The following PDZRN4 variants were observed in gnomAD, a reference collection of about 807,000 sequenced individuals.
PDZRN4 encodes the protein PDZ domain-containing RING finger protein 4.
Under a neutral mutation model 99.0 loss-of-function variants are expected in PDZRN4, and 70 were observed. The ratio of observed to expected loss-of-function variants is 0.71; its 90% CI spans 0.58 to 0.86. The LOEUF is 0.86. PDZRN4 is among the 40% of genes least tolerant of loss of function. The pLI, the probability that PDZRN4 is intolerant of heterozygous loss-of-function variation, is 0.00. For missense variants in PDZRN4, 1,474 were observed against 1,331.2 expected (o/e 1.11, Z -1.67); for synonymous variants, 551 against 501.6 (o/e 1.10, Z -1.32).
chr12:41,227,823 T>C lies in PDZRN4; in HGVS notation c.843+33635T>C, dbSNP rs191630362. Among the ~76,000 whole-genome samples, 15 of 142,172 alleles carry C rather than the reference T, an allele frequency of 1.1e-4. No homozygotes were observed. In the East Asian group the frequency reaches 2.9e-3, roughly 27 times the overall value. 93.3% of individuals were successfully genotyped at this position (142,172 alleles called of 152,430 possible). On this transcript the variant is annotated intron_variant, in intron 3 of 9. Coordinates refer to ENST00000402685, the MANE Select transcript of PDZRN4 (RefSeq NM_001164595.2). ...GATAATGAAACAAAATGGCCAAAAG[T>C]AGAAATAGAAAGGAAAAGCAAAAGT...
intron 3 of PDZRN4, among the ~76,000 whole-genome samples, chr12:41,354,618 C>A (rs567188963): frequency 6.6e-6 from 1 of 152,192 alleles, no homozygotes; most frequent in African/African-American, 2.4e-5. Flanking sequence ...CTCTTGGCAG[C>A]TGAATTTCAC....
At chr12:41,564,387 T>C (rs1293213650) in intron 8 of PDZRN4, among the ~76,000 whole-genome samples, 1 of 152,178 alleles carries the variant, frequency 6.6e-6, no homozygotes, top group Admixed American at 6.6e-5. Context: ...TCCTTTTATA[T>C]CCTTTTTATC....
chr12:41,524,175 A>C (rs1171001896), intron 5 of PDZRN4, among the ~76,000 whole-genome samples: 1 of 152,188 alleles, frequency 6.6e-6, no homozygotes, highest in Non-Finnish European at 1.5e-5. Flanking sequence ...TGTACCCTGA[A>C]ATGCATAAAA....
At chr12:41,261,419 C>T (rs149426811) in intron 3 of PDZRN4, among the ~76,000 whole-genome samples, 147 of 152,310 alleles carry the variant, frequency 9.7e-4, no homozygotes, top group African/African-American at 3.5e-3. Flanking sequence ...AAGGCTTAAT[C>T]AAGATTTAGC....
intron 3 of PDZRN4, among the ~76,000 whole-genome samples, chr12:41,444,324 T>C (rs1361750984): frequency 6.6e-6 from 1 of 152,052 alleles, no homozygotes; most frequent in Non-Finnish European, 1.5e-5. Context: ...TATACAGGTC[T>C]GGCCATCTTC....
chr12:41,365,422 A>T (rs1458544099), intron 3 of PDZRN4, among the ~76,000 whole-genome samples: 1 of 152,058 alleles, frequency 6.6e-6, no homozygotes, highest in African/African-American at 2.4e-5. Context: ...AATAACCCAC[A>T]TGATTGCAAA....
At chr12:41,236,743 G>T (rs1167174200) in intron 3 of PDZRN4, among the ~76,000 whole-genome samples, 1 of 152,064 alleles carries the variant, frequency 6.6e-6, no homozygotes, top group African/African-American at 2.4e-5. Flanking sequence ...ATTAGACCTA[G>T]ATCTTAATTT....
At chr12:41,348,653 GCACTC>G (rs1951870625) in intron 3 of PDZRN4, among the ~76,000 whole-genome samples, 1 of 152,022 alleles carries the variant, frequency 6.6e-6, no homozygotes, top group Admixed American at 6.6e-5. Context: ...CATACAGAAA[GCACTC>G]TGCTGCATAC....
At position 41,371,100 on chromosome 12, in the gene PDZRN4, A is replaced by T. The variant is rs1370588883; in HGVS notation, c.844-135356A>T. On this transcript the variant is annotated intron_variant, in intron 3 of 9. Transcript: ENST00000402685. ...GGTGAGCTCTTATTTGATGATTTTT[A>T]TATATAATTCTAGAGTACTATTATA... Among the ~76,000 whole-genome samples, 6 of 149,736 alleles carry T rather than the reference A, an allele frequency of 4.0e-5. No individual in the cohort carries two copies. In the East Asian group the frequency reaches 9.7e-4, roughly 24 times the overall value.
chr12:41,281,790 C>T (rs1951387660), intron 3 of PDZRN4, among the ~76,000 whole-genome samples: 1 of 152,104 alleles, frequency 6.6e-6, no homozygotes, highest in South Asian at 2.1e-4. Context: ...CTGGAAAACA[C>T]AGTTCAGGAT....
At chr12:41,317,955 A>C (rs1951649983) in intron 3 of PDZRN4, among the ~76,000 whole-genome samples, 1 of 152,196 alleles carries the variant, frequency 6.6e-6, no homozygotes, top group Non-Finnish European at 1.5e-5. Flanking sequence ...AGTTGAAAAA[A>C]ACCACAGGCA....
intron 3 of PDZRN4, among the ~76,000 whole-genome samples, chr12:41,342,887 A>G (rs757979978): frequency 8.6e-5 from 13 of 151,972 alleles, no homozygotes; most frequent in Non-Finnish European, 1.8e-4. Context: ...AAATTTGTAC[A>G]TAGAAGAGAC....
chr12:41,243,562 G>C (rs1951113814), intron 3 of PDZRN4, among the ~76,000 whole-genome samples: 2 of 152,066 alleles, frequency 1.3e-5, no homozygotes, highest in Admixed American at 1.3e-4. Context: ...CAGTTAGTCT[G>C]TATTTAAAGC....
At chr12:41,214,252 TAAAAAAAA>T (rs60618442) in intron 3 of PDZRN4, among the ~76,000 whole-genome samples, 37 of 84,780 alleles carry the variant, frequency 4.4e-4, no homozygotes, top group East Asian at 2.7e-3. Flanking sequence ...ACCCTGTATT[TAAAAAAAA>T]AAAAAAAAAA....
At chr12:41,226,532 C>T (rs1398669767) in intron 3 of PDZRN4, among the ~76,000 whole-genome samples, 1 of 151,508 alleles carries the variant, frequency 6.6e-6, no homozygotes, top group East Asian at 1.9e-4. Context: ...GATTAGATTC[C>T]CAAAGGGGTC....
intron 3 of PDZRN4, among the ~76,000 whole-genome samples, chr12:41,409,016 A>G (rs1445788708): frequency 6.6e-6 from 1 of 152,192 alleles, no homozygotes; most frequent in East Asian, 1.9e-4. Flanking sequence ...TCCAAGTGGT[A>G]TCATAGGCAA....
chr12:41,437,828 G>T, intron 3 of PDZRN4: 1 of 1,590,362 alleles, frequency 6.3e-7, no homozygotes, highest in Non-Finnish European at 8.5e-7. Context: ...TGTGTTTCTG[G>T]ACTGAAGTGA....
chr12:41,375,875 A>G (rs1952075049), intron 3 of PDZRN4, among the ~76,000 whole-genome samples: 1 of 152,128 alleles, frequency 6.6e-6, no homozygotes, highest in Admixed American at 6.6e-5. Context: ...GCTTCTGCTT[A>G]TATTTTGTAT....
chr12:41,555,718 T>G lies in PDZRN4; in HGVS notation c.1323T>G (p.Ala441=). Residue 441 remains alanine, a synonymous_variant, in exon 7 of 10, where the codon GCT becomes GCG. Transcript: ENST00000402685. ...TACAGGTTGACCCAAATAGCATTGC[T>G]GCCAAAGACGGCCGGATTCGAGAAG... ...YVSEVDPNSI[A]AKDGRIREGD... is the part of the protein sequence containing the mutation. 1 of 1,614,078 alleles carries G rather than the reference T, an allele frequency of 6.2e-7. No individual in the cohort carries two copies. The highest frequency in any genetic ancestry group is 8.5e-7 in the Non-Finnish European group (1 of 1,179,934).
Sources: allele counts gnomAD v4.1 joint callset (sites outside exome capture counted in the v4.1 genomes callset), GRCh38; gene constraint gnomAD v4.1.1; transcripts MANE v1.5; gene names NCBI Gene and HGNC (gene_info 2026-07-23, HGNC 2026-07-21).